Variants in PFKFB3 observed in about 807,000 individuals in gnomAD.
The protein encoded by PFKFB3 is 6-phosphofructo-2-kinase/fructose-2,6-biphosphatase 3, also known as 6-phosphofructo-2-kinase/fructose-2,6-bisphosphatase 3.
PFKFB3 carries 33 observed loss-of-function variants against 68.0 expected under a neutral mutation model. That is an observed-to-expected ratio of 0.49 (90% CI 0.37 to 0.65). The LOEUF is 0.65. Among genes scored for constraint, PFKFB3 ranks in the 30% least tolerant of loss-of-function variants. PFKFB3 has a pLI of 0.00. For missense variants in PFKFB3, 586 were observed against 712.2 expected (o/e 0.82, Z 2.02); for synonymous variants, 315 against 288.2 (o/e 1.09, Z -0.94).
chr10:6,221,878 A>G, intron 10 of PFKFB3, 133 bp downstream of exon 10: 1 of 627,866 alleles, frequency 1.6e-6, no homozygotes, highest in Non-Finnish European at 2.8e-6. Flanking sequence ...CTTGGAACTG[A>G]GTCCCCCCAA....
At chr10:6,200,586 T>C (rs114782122), upstream of PFKFB3, among the ~76,000 whole-genome samples, 215 of 138,656 alleles carry the variant, frequency 1.6e-3, 1 homozygote, top group African/African-American at 5.5e-3. Flanking sequence ...TAGCTGGCCA[T>C]TAAAAAAACA....
chr10:6,221,830 A>G, intron 10 of PFKFB3, 85 bp downstream of exon 10: 1 of 907,246 alleles, frequency 1.1e-6, no homozygotes, highest in Non-Finnish European at 1.7e-6. Flanking sequence ...CAGGGAGTTC[A>G]CTTCCGTGTG....
chr10:6,309,037 T>A, the PFKFB3 span, among the ~76,000 whole-genome samples: 1 of 151,528 alleles, frequency 6.6e-6, no homozygotes, highest in South Asian at 2.1e-4. Context: ...ACTGCACAAA[T>A]AAAAAAAAGA....
intron 1 of PFKFB3, among the ~76,000 whole-genome samples, chr10:6,179,653 T>C (rs56247992): frequency 0.031 from 4,721 of 152,116 alleles, 115 homozygotes; most frequent in Non-Finnish European, 0.045. Context: ...GAAGAACCCG[T>C]CTCCCCTCAA....
rs886227898 is a variant in PFKFB3 at position 6,234,232 on chromosome 10, A to C, written c.*1290A>C. The C allele has an allele frequency of 6.6e-6, 1 of 152,340 alleles. No individual in the cohort carries two copies. Among genetic ancestry groups the C allele is most frequent in the Non-Finnish European group, 1.5e-5 (1 of 68,040 alleles). 9.4% of individuals were successfully genotyped at this position (152,340 alleles called of 1,614,324 possible). On this transcript the variant is annotated 3_prime_UTR_variant, in exon 15 of 15. Coordinates refer to ENST00000379775, the MANE Select transcript of PFKFB3 (RefSeq NM_004566.4). ...AGAGTTTGTCCAAATGACCCTTTTC[A>C]GGATGTCTCAAAGCTTGTGCCAAAG...
chr10:6,146,501 G>T, intron 1 of PFKFB3: 1 of 1,534,784 alleles, frequency 6.5e-7, no homozygotes, highest in South Asian at 1.2e-5. Flanking sequence ...ATCCAGGTAT[G>T]ATTCGGCCAC....
the PFKFB3 span, among the ~76,000 whole-genome samples, chr10:6,289,522 T>C: frequency 0.035 from 5,360 of 151,650 alleles, 213 homozygotes; most frequent in African/African-American, 0.12. Context: ...TGTAGATAAG[T>C]GGCATTATTT....
chr10:6,176,415 T>C (rs964787401), intron 1 of PFKFB3, among the ~76,000 whole-genome samples: 4 of 152,140 alleles, frequency 2.6e-5, no homozygotes, highest in African/African-American at 9.7e-5. Context: ...TTTACCTGTT[T>C]AATTGTGCAA....
chr10:6,191,382 C>T (rs1843019079), intron 1 of PFKFB3, among the ~76,000 whole-genome samples: 1 of 152,228 alleles, frequency 6.6e-6, no homozygotes, highest in Admixed American at 6.5e-5. Flanking sequence ...ATCTAGGGCT[C>T]CTAGCCCCTG....
chr10:6,246,469 A>T (rs1189930051), intron 14 of PFKFB3, among the ~76,000 whole-genome samples: 1 of 151,378 alleles, frequency 6.6e-6, no homozygotes, highest in Non-Finnish European at 1.5e-5. Context: ...CCTCCTGCGT[A>T]GCTGGGACTG....
chr10:6,221,598 C>G, intron 9 of PFKFB3, 43 bp from the exon 10 acceptor site: 1 of 1,609,938 alleles, frequency 6.2e-7, no homozygotes, highest in Non-Finnish European at 8.5e-7. Context: ...GCCCTAGACA[C>G]CCCTGTGGTT....
At chr10:6,321,663 T>C in the PFKFB3 span, among the ~76,000 whole-genome samples, 2 of 152,166 alleles carry the variant, frequency 1.3e-5, no homozygotes, top group Non-Finnish European at 2.9e-5. Context: ...CCAGCAAAAA[T>C]CACTCACTCA....
chr10:6,171,027 TTTATTA>T (rs1049148443), intron 1 of PFKFB3, among the ~76,000 whole-genome samples: 1 of 148,884 alleles, frequency 6.7e-6, no homozygotes, highest in Non-Finnish European at 1.5e-5. Flanking sequence ...TCTTCTCTAT[TTTATTA>T]TTATTATTTT....
the PFKFB3 span, among the ~76,000 whole-genome samples, chr10:6,289,374 T>C: frequency 1.3e-5 from 2 of 152,034 alleles, no homozygotes; most frequent in African/African-American, 4.8e-5. Context: ...CTTGAATTAA[T>C]TTTTGTGTAA....
At chr10:6,256,882 A>T (rs1213927387), downstream of PFKFB3, among the ~76,000 whole-genome samples, 2 of 152,104 alleles carry the variant, frequency 1.3e-5, no homozygotes, top group African/African-American at 4.8e-5. Flanking sequence ...TTCCCCAGAG[A>T]GTGAGAGTTT....
At chr10:6,304,478 A>C in the PFKFB3 span, among the ~76,000 whole-genome samples, 3 of 149,160 alleles carry the variant, frequency 2.0e-5, no homozygotes, top group African/African-American at 7.5e-5. Context: ...TTAGACATTA[A>C]ATGTATCTAG....
chr10:6,280,497 A>G, the PFKFB3 span, among the ~76,000 whole-genome samples: 1 of 152,196 alleles, frequency 6.6e-6, no homozygotes, highest in African/African-American at 2.4e-5. Context: ...CTCATCCTTC[A>G]GGACACACCC....
At chr10:6,151,886 T>C (rs1056138046) in intron 1 of PFKFB3, among the ~76,000 whole-genome samples, 2 of 151,308 alleles carry the variant, frequency 1.3e-5, no homozygotes, top group Non-Finnish European at 2.9e-5. Context: ...CTCACAGCCG[T>C]GGTGGGGACG....
the PFKFB3 span, among the ~76,000 whole-genome samples, chr10:6,287,069 A>C: frequency 6.6e-6 from 1 of 152,164 alleles, no homozygotes; most frequent in East Asian, 1.9e-4. Context: ...CTTCCATAAG[A>C]GATTATAATA....
Sources: gnomAD v4.1 joint callset for allele counts (sites outside exome capture counted in the v4.1 genomes callset) on GRCh38, gnomAD v4.1.1 for gene constraint, MANE v1.5 for transcripts, NCBI Gene and HGNC (gene_info 2026-07-23, HGNC 2026-07-21) for gene names.